Variants in PHACTR3 observed in about 807,000 individuals in gnomAD.
PHACTR3 encodes the protein protein phosphatase 1, regulatory subunit 123.
PHACTR3 carries 16 observed loss-of-function variants against 66.8 expected under a neutral mutation model. The ratio of observed to expected loss-of-function variants is 0.24; its 90% confidence interval spans 0.16 to 0.36. The LOEUF is 0.36. PHACTR3 is among the 10% of genes least tolerant of loss of function. The probability of loss-of-function intolerance (pLI) is 1.00; values close to 1 mark genes in which losing one functional copy is unlikely to be tolerated. For synonymous variants in PHACTR3, 323 were observed against 292.1 expected (o/e 1.11, Z -1.08); for missense variants, 647 against 719.9 (o/e 0.90, Z 1.16).
chr20:59,585,623 G>A (rs909262232), intron 1 of PHACTR3, among the ~76,000 whole-genome samples: 1 of 152,180 alleles, frequency 6.6e-6, no homozygotes, highest in African/African-American at 2.4e-5. Flanking sequence ...ATTTTTGTGT[G>A]CAGGGCATGC....
chr20:59,610,207 A>G (rs1228034013), intron 1 of PHACTR3, among the ~76,000 whole-genome samples: 1 of 152,246 alleles, frequency 6.6e-6, no homozygotes, highest in African/African-American at 2.4e-5. Context: ...TGGAGCTGAC[A>G]TCATGCCTCT....
intron 8 of PHACTR3, among the ~76,000 whole-genome samples, chr20:59,815,418 G>GTTTTTTTT (rs538438640): frequency 1.7e-4 from 23 of 131,754 alleles, no homozygotes; most frequent in South Asian, 2.5e-4. Context: ...TGGGGTTCTG[G>GTTTTTTTT]TTTTTTTTTT....
intron 1 of PHACTR3, among the ~76,000 whole-genome samples, chr20:59,696,050 G>T (rs1018754840): frequency 6.6e-6 from 1 of 152,152 alleles, no homozygotes; most frequent in African/African-American, 2.4e-5. Context: ...TTTTGACCTG[G>T]GGAGAGTTAA....
intron 1 of PHACTR3, among the ~76,000 whole-genome samples, chr20:59,598,696 C>T (rs2033392527): frequency 1.3e-5 from 2 of 152,166 alleles, no homozygotes; most frequent in Non-Finnish European, 2.9e-5. Context: ...CTGGTCACAG[C>T]TCTAGGTAGA....
intron 5 of PHACTR3, among the ~76,000 whole-genome samples, chr20:59,768,515 C>T (rs940332472): frequency 3.9e-5 from 6 of 152,244 alleles, no homozygotes; most frequent in Non-Finnish European, 7.3e-5. Flanking sequence ...GGGCCCAAAG[C>T]TTGTTGCTAC....
chr20:59,761,599 A>G (rs1399580849), intron 4 of PHACTR3, among the ~76,000 whole-genome samples: 1 of 152,182 alleles, frequency 6.6e-6, no homozygotes, highest in Non-Finnish European at 1.5e-5. Flanking sequence ...TTAAGTTCCT[A>G]CATAATATTC....
intron 1 of PHACTR3, among the ~76,000 whole-genome samples, chr20:59,700,882 T>A (rs1438548002): frequency 6.6e-6 from 1 of 152,176 alleles, no homozygotes. Context: ...CTCGACCTCC[T>A]GGGCTCAAGG....
At chr20:59,762,144 A>C (rs1351412597) in intron 4 of PHACTR3, among the ~76,000 whole-genome samples, 2 of 152,208 alleles carry the variant, frequency 1.3e-5, no homozygotes, top group Non-Finnish European at 2.9e-5. Flanking sequence ...AGGCAGGCTA[A>C]GGATGTGAGG....
chr20:59,635,381 G>A (rs922335808), intron 1 of PHACTR3, among the ~76,000 whole-genome samples: 1 of 150,772 alleles, frequency 6.6e-6, no homozygotes, highest in Non-Finnish European at 1.5e-5. Flanking sequence ...TTACGGGCGT[G>A]CACCACCACA....
At chr20:59,592,546 C>G (rs1436193587) in intron 1 of PHACTR3, among the ~76,000 whole-genome samples, 1 of 152,150 alleles carries the variant, frequency 6.6e-6, no homozygotes, top group Non-Finnish European at 1.5e-5. Flanking sequence ...TTTTTAAAGA[C>G]AAAATGACTA....
At chr20:59,706,555 C>G (rs1315823459) in intron 1 of PHACTR3, among the ~76,000 whole-genome samples, 1 of 152,194 alleles carries the variant, frequency 6.6e-6, no homozygotes, top group Non-Finnish European at 1.5e-5. Flanking sequence ...TCCCAGGAGC[C>G]AGTGCTGCTC....
At chr20:59,649,787 A>G (rs2035401475) in intron 1 of PHACTR3, among the ~76,000 whole-genome samples, 1 of 152,202 alleles carries the variant, frequency 6.6e-6, no homozygotes, top group Non-Finnish European at 1.5e-5. Context: ...CACTCAATCA[A>G]TGTTTACTTT....
intron 1 of PHACTR3, among the ~76,000 whole-genome samples, chr20:59,669,538 T>G (rs1328308002): frequency 6.6e-6 from 1 of 152,192 alleles, no homozygotes; most frequent in Admixed American, 6.5e-5. Flanking sequence ...TTTGAGTATG[T>G]GAGCAGTGTT....
intron 1 of PHACTR3, among the ~76,000 whole-genome samples, chr20:59,635,169 C>CTTTTT (rs1555881178): frequency 1.8e-5 from 1 of 55,340 alleles, no homozygotes; most frequent in Admixed American, 2.3e-4. Flanking sequence ...TTCTTTCTTT[C>CTTTTT]CTTTCTTTCT....
At position 59,736,915 on chromosome 20, in the gene PHACTR3, G is replaced by A. The variant is rs1170524493; in HGVS notation, c.119-6192G>A. Among the ~76,000 whole-genome samples, 2 of 152,152 alleles carry A rather than the reference G, an allele frequency of 1.3e-5. No homozygotes were observed. The highest frequency in any genetic ancestry group is 3.9e-4 in the East Asian group (2 of 5,186). ...AGAGCAGCACAGCCTGGGGCCCCTG[G>A]GCATGGGGTCTTCACTCCTCTGATG... On this transcript the variant is annotated intron_variant, in intron 1 of 12. Transcript: ENST00000371015. This position sits in a 1 kb window ranked among gnomAD's most constrained non-coding sequence, Gnocchi z 4.6.
At chr20:59,584,491 A>C (rs1329054597) in intron 1 of PHACTR3, among the ~76,000 whole-genome samples, 1 of 151,826 alleles carries the variant, frequency 6.6e-6, no homozygotes, top group African/African-American at 2.4e-5. Context: ...TATATGAGCA[A>C]GTGTGTGCAT....
At chr20:59,713,268 A>T (rs1246620369) in intron 1 of PHACTR3, among the ~76,000 whole-genome samples, 1 of 152,228 alleles carries the variant, frequency 6.6e-6, no homozygotes, top group Non-Finnish European at 1.5e-5. Flanking sequence ...ATTCCTGGAC[A>T]TATCTGGTAC....
chr20:59,677,841 A>G (rs960351007), intron 1 of PHACTR3, among the ~76,000 whole-genome samples: 1 of 152,168 alleles, frequency 6.6e-6, no homozygotes, highest in Non-Finnish European at 1.5e-5. Flanking sequence ...AGAAAAATCC[A>G]TGGTGAGGTT....
intron 1 of PHACTR3, among the ~76,000 whole-genome samples, chr20:59,741,070 G>C (rs185425345): frequency 4.6e-5 from 7 of 152,328 alleles, no homozygotes; most frequent in African/African-American, 1.7e-4. Context: ...GAACACTGGT[G>C]GTCTCCTTCC....
Sources: gnomAD v4.1 joint callset for allele counts (sites outside exome capture counted in the v4.1 genomes callset) on GRCh38, gnomAD v4.1.1 for gene constraint, Gnocchi (gnomAD v3.1) non-coding constraint, MANE v1.5 for transcripts, NCBI Gene and HGNC (gene_info 2026-07-23, HGNC 2026-07-21) for gene names.